CHRM2: variants seen among roughly 807,000 people sequenced by gnomAD.
CHRM2 encodes the protein cholinergic receptor muscarinic 2, also known as muscarinic acetylcholine receptor M2.
Under a neutral mutation model 25.0 loss-of-function variants are expected in CHRM2, and 8 were observed. The observed-to-expected ratio is 0.32, with a 90% CI of 0.19 to 0.58. The LOEUF is 0.58. Among genes scored for constraint, CHRM2 ranks in the 20% least tolerant of loss-of-function variants. The pLI, the probability that CHRM2 is intolerant of heterozygous loss-of-function variation, is 0.88. For missense variants in CHRM2, 440 were observed against 567.1 expected (o/e 0.78, Z 2.28); for synonymous variants, 202 against 205.7 (o/e 0.98, Z 0.15).
chr7:136,917,576 G>T (rs2130717128), intron 2 of CHRM2, among the ~76,000 whole-genome samples: 1 of 152,068 alleles, frequency 6.6e-6, no homozygotes, highest in East Asian at 1.9e-4. Flanking sequence ...ACTACTTTTT[G>T]CAAGGACAGA....
In CHRM2 at chr7:137,017,949, A is replaced by G. The variant is rs1441166346; in HGVS notation, c.*1683A>G. 1.3e-5 allele frequency: 2 copies of G among 151,946 alleles called. No individual in the cohort carries two copies. Among genetic ancestry groups the G allele is most frequent in the African/African-American group, 2.4e-5 (1 of 41,428 alleles). 9.4% of individuals were successfully genotyped at this position (151,946 alleles called of 1,614,324 possible). A position where few individuals can be genotyped will look rare whatever the true frequency, so the allele number is the denominator to read the frequency against. The stretch of plus-strand genomic sequence containing the variant: ...TTTTTATCCTTTATATTTTTCTTAC[A>G]GTATTTGCTGTAGTTTTCCAATGAG... On this transcript the variant is annotated 3_prime_UTR_variant, in exon 4 of 4. Transcript: ENST00000680005.
chr7:136,893,353 A>G (rs1796769310), intron 2 of CHRM2, among the ~76,000 whole-genome samples: 1 of 152,160 alleles, frequency 6.6e-6, no homozygotes, highest in African/African-American at 2.4e-5. Context: ...GCAAATCTGG[A>G]AAGACTCGCT....
chr7:136,999,297 A>G (rs1335126804), intron 3 of CHRM2, among the ~76,000 whole-genome samples: 1 of 152,166 alleles, frequency 6.6e-6, no homozygotes, highest in Non-Finnish European at 1.5e-5. Context: ...ATGGGTTGAC[A>G]GGTGCAGCAA....
chr7:137,004,985 A>T (rs546483014), intron 3 of CHRM2, among the ~76,000 whole-genome samples: 2 of 152,176 alleles, frequency 1.3e-5, no homozygotes, highest in East Asian at 3.9e-4. Flanking sequence ...TCCACACTTC[A>T]TTACTATTTT....
chr7:136,896,032 C>A (rs966495518), intron 2 of CHRM2, among the ~76,000 whole-genome samples: 8 of 152,052 alleles, frequency 5.3e-5, no homozygotes, highest in African/African-American at 1.9e-4. Flanking sequence ...GTTATACAGA[C>A]TTGTTTTTAA....
At chr7:136,965,457 A>G (rs1037243570) in intron 2 of CHRM2, among the ~76,000 whole-genome samples, 1 of 152,118 alleles carries the variant, frequency 6.6e-6, no homozygotes, top group African/African-American at 2.4e-5. Flanking sequence ...TGTCAGAGAG[A>G]ATGAGCAGCC....
chr7:136,975,863 C>T (rs1032212385), intron 2 of CHRM2, among the ~76,000 whole-genome samples: 2 of 152,122 alleles, frequency 1.3e-5, no homozygotes, highest in African/African-American at 4.8e-5. Flanking sequence ...ACTGTGGCTA[C>T]ACCAGGATAA....
chr7:136,930,927 A>AAAAAAAAAAAAG lies in CHRM2; in HGVS notation c.-124-61260_-124-61259insAAAAAAAAAAAG, dbSNP rs1290104978. Among the ~76,000 whole-genome samples, 49 of 138,646 alleles carry AAAAAAAAAAAAG rather than the reference A, an allele frequency of 3.5e-4. 2 individuals are homozygous for AAAAAAAAAAAAG. Among genetic ancestry groups the AAAAAAAAAAAAG allele is most frequent in the African/African-American group, 1.3e-3 (48 of 35,840 alleles). 91.0% of individuals were successfully genotyped at this position (138,646 alleles called of 152,430 possible). ...AAAAAAAAAAAAAAAAAAAAAAAAAAGGATAGAAAGATCCTTACCACATAT... is the reference window on the plus strand; with the variant it reads ...AAAAAAAAAAAAAAAAAAAAAAAAAAAAAAAAAAAAAGGGATAGAAAGATCCTTACCACATAT... On this transcript the variant is annotated intron_variant, in intron 2 of 3. Transcript: ENST00000680005.
At chr7:136,923,601 G>C (rs566693297) in intron 2 of CHRM2, among the ~76,000 whole-genome samples, 7 of 152,292 alleles carry the variant, frequency 4.6e-5, no homozygotes, top group African/African-American at 1.7e-4. Flanking sequence ...CAAAGCTACA[G>C]AATAGAATCC....
At chr7:136,875,120 T>C (rs1796001339) in intron 2 of CHRM2, among the ~76,000 whole-genome samples, 2 of 149,910 alleles carry the variant, frequency 1.3e-5, no homozygotes, top group South Asian at 2.1e-4. Context: ...TATACACACA[T>C]ATATACATAT....
rs188535923 is a variant in CHRM2 at position 136,976,974 on chromosome 7, A to G, written c.-124-15213A>G. Reference sequence around the variant, plus strand: ...GTTGCAGTCTATTGACTATGTAAACATTGTAGTTGCTTTTCCATGAAAACA... The same window carrying G: ...GTTGCAGTCTATTGACTATGTAAACGTTGTAGTTGCTTTTCCATGAAAACA... On this transcript the variant is annotated intron_variant, in intron 2 of 3. Coordinates refer to ENST00000680005, the MANE Select transcript of CHRM2 (RefSeq NM_001006630.2). Among the ~76,000 whole-genome samples the G allele has an allele frequency of 2.6e-5, 4 of 152,342 alleles. No homozygotes were observed. In the East Asian group the frequency reaches 7.7e-4, roughly 29 times the overall value.
At position 136,885,983 on chromosome 7, in the gene CHRM2, AACATAGATT is replaced by A. The variant is rs371443525; in HGVS notation, c.-125+16567_-125+16575del. Among the ~76,000 whole-genome samples the A allele has an allele frequency of 4.2e-3, 639 of 152,326 alleles. 3 individuals are homozygous for A. Among genetic ancestry groups the A allele is most frequent in the African/African-American group, 0.015 (608 of 41,568 alleles). ...TTGGGGAAATGGAAAGGAAGGCTGA[AACATAGATT>A]AGGCCAGACTATGAAAGAGTCAGTA... On this transcript the variant is annotated intron_variant, in intron 2 of 3. Transcript: ENST00000680005.
chr7:136,890,064 T>G (rs1423489269), intron 2 of CHRM2, among the ~76,000 whole-genome samples: 1 of 152,228 alleles, frequency 6.6e-6, no homozygotes, highest in Non-Finnish European at 1.5e-5. Context: ...ATCCTACATA[T>G]ATTTTTTTCT....
At chr7:136,915,724 T>C (rs967781410) in intron 2 of CHRM2, among the ~76,000 whole-genome samples, 1 of 151,850 alleles carries the variant, frequency 6.6e-6, no homozygotes, top group Non-Finnish European at 1.5e-5. Context: ...ACTATTATTC[T>C]TTGTGACAGA....
At chr7:136,906,061 G>T (rs533958610) in intron 2 of CHRM2, among the ~76,000 whole-genome samples, 1 of 149,280 alleles carries the variant, frequency 6.7e-6, no homozygotes, top group Non-Finnish European at 1.5e-5. Flanking sequence ...ATTTTGTTAC[G>T]TATAATTTTT....
At chr7:136,897,705 A>G (rs1796980664) in intron 2 of CHRM2, among the ~76,000 whole-genome samples, 1 of 151,946 alleles carries the variant, frequency 6.6e-6, no homozygotes, top group African/African-American at 2.4e-5. Flanking sequence ...GGGAAAAAAA[A>G]AAGACAGACA....
At chr7:136,994,915 C>G (rs1038924750) in intron 3 of CHRM2, among the ~76,000 whole-genome samples, 1 of 151,920 alleles carries the variant, frequency 6.6e-6, no homozygotes, top group Non-Finnish European at 1.5e-5. Flanking sequence ...CTGTTCTTAT[C>G]CATAACTTCG....
intron 2 of CHRM2, among the ~76,000 whole-genome samples, chr7:136,883,057 T>A (rs1220648096): frequency 6.6e-6 from 1 of 152,144 alleles, no homozygotes; most frequent in Non-Finnish European, 1.5e-5. Context: ...TTAGCCTTAC[T>A]CAAAAGAGGA....
chr7:136,965,720 G>T (rs1440268907), intron 2 of CHRM2, among the ~76,000 whole-genome samples: 2 of 152,024 alleles, frequency 1.3e-5, no homozygotes, highest in African/African-American at 2.4e-5. Context: ...TCTAAAATCA[G>T]CCTCCCAGTG....
Sources: gnomAD v4.1 joint callset for allele counts (sites outside exome capture counted in the v4.1 genomes callset) on GRCh38, gnomAD v4.1.1 for gene constraint, MANE v1.5 for transcripts, NCBI Gene and HGNC (gene_info 2026-07-23, HGNC 2026-07-21) for gene names.